Variants in RAD54L2 observed in about 807,000 individuals in gnomAD.
The protein encoded by RAD54L2 is helicase ARIP4.
A neutral mutation model predicts 138.4 loss-of-function variants in RAD54L2; 27 were observed. The ratio of observed to expected loss-of-function variants is 0.20; its 90% CI spans 0.14 to 0.27. The LOEUF (loss-of-function observed/expected upper bound fraction) is 0.27, where lower values mean the gene tolerates loss of function less well. Among genes scored for constraint, RAD54L2 ranks in the 10% least tolerant of loss-of-function variants. RAD54L2 has a pLI of 1.00. For missense variants in RAD54L2, 1,396 were observed against 1,890.2 expected (o/e 0.74, Z 4.85); for synonymous variants, 644 against 723.2 (o/e 0.89, Z 1.76).
At chr3:51,633,318 G>C (rs1465161182) in intron 7 of RAD54L2, among the ~76,000 whole-genome samples, 2 of 152,148 alleles carry the variant, frequency 1.3e-5, no homozygotes, top group African/African-American at 2.4e-5. Flanking sequence ...GAAAGATCCT[G>C]TCAGGAATTT....
intron 3 of RAD54L2, among the ~76,000 whole-genome samples, chr3:51,619,664 G>A (rs976167042): frequency 6.6e-6 from 1 of 152,080 alleles, no homozygotes; most frequent in Non-Finnish European, 1.5e-5. Flanking sequence ...TGGCAGGACC[G>A]ATATACCAAA....
chr3:51,577,368 G>A (rs927985088), intron 2 of RAD54L2, among the ~76,000 whole-genome samples: 18 of 152,114 alleles, frequency 1.2e-4, no homozygotes, highest in Admixed American at 1.1e-3. Context: ...AGTCTGCTTG[G>A]TGCAGAGCTG....
intron 21 of RAD54L2, among the ~76,000 whole-genome samples, chr3:51,658,628 C>T (rs931809345): frequency 2.0e-5 from 3 of 152,118 alleles, no homozygotes; most frequent in African/African-American, 7.2e-5. Context: ...GTGTGAGGCT[C>T]TTTGAGACTT....
intron 3 of RAD54L2, among the ~76,000 whole-genome samples, chr3:51,617,128 G>A (rs1700462752): frequency 1.3e-5 from 2 of 152,108 alleles, no homozygotes; most frequent in Admixed American, 1.3e-4. Flanking sequence ...CCATTCATCT[G>A]TTGATGGACA....
intron 3 of RAD54L2, among the ~76,000 whole-genome samples, chr3:51,608,979 C>G (rs925437802): frequency 2.0e-5 from 3 of 152,128 alleles, no homozygotes; most frequent in African/African-American, 7.2e-5. Flanking sequence ...CAACCTCCCC[C>G]TCCCAGGTTC....
At chr3:51,565,207 C>G (rs890761196) in intron 2 of RAD54L2, among the ~76,000 whole-genome samples, 27 of 152,128 alleles carry the variant, frequency 1.8e-4, no homozygotes, top group African/African-American at 4.6e-4. Context: ...GCCACATAGA[C>G]CCTGTTGCTA....
In RAD54L2 at chr3:51,663,663, G is replaced by A. The variant is rs1302040991; in HGVS notation, c.*243G>A. ...GCGGGAAATCAGGGACCCAAAACAG[G>A]GATGGAGGGGCAGTGCAGCCTCTTT... On this transcript the variant is annotated 3_prime_UTR_variant, in exon 23 of 23. Coordinates refer to ENST00000684192, the MANE Select transcript of RAD54L2 (RefSeq NM_015106.4). 1 of 494,714 alleles carries A rather than the reference G, an allele frequency of 2.0e-6. No individual in the cohort carries two copies. Among genetic ancestry groups the A allele is most frequent in the African/African-American group, 1.9e-5 (1 of 51,464 alleles). The allele number at this position is 494,714 out of a possible 1,614,324, so 30.6% of individuals were successfully genotyped here. A position where few individuals can be genotyped will look rare whatever the true frequency, so the allele number is the denominator to read the frequency against.
chr3:51,646,607 C>T (rs1172432865), intron 19 of RAD54L2, 126 bp downstream of exon 19: 3 of 1,030,820 alleles, frequency 2.9e-6, no homozygotes, highest in Non-Finnish European at 4.1e-6. Context: ...ACAGGCTCTG[C>T]TCTAGGGTAG....
In RAD54L2 at chr3:51,657,569, GT is replaced by G; in HGVS notation, c.3227-6del. On this transcript the variant is annotated splice_polypyrimidine_tract_variant and intron_variant, in intron 20 of 22. Transcript: ENST00000684192. ...CGTGCAATCTAAATTTAAGATCTGT[GT>G]TTTTCCTAGATATTGTTATTCCTGG... 1 of 1,532,686 alleles carries G rather than the reference GT, an allele frequency of 6.5e-7. No individual in the cohort carries two copies. Among genetic ancestry groups the G allele is most frequent in the Non-Finnish European group, 8.9e-7 (1 of 1,124,262 alleles). The allele number at this position is 1,532,686 out of a possible 1,614,324, so 94.9% of individuals were successfully genotyped here.
At chr3:51,549,100 C>T (rs538122009) in intron 2 of RAD54L2, among the ~76,000 whole-genome samples, 1 of 152,228 alleles carries the variant, frequency 6.6e-6, no homozygotes, top group Admixed American at 6.5e-5. Flanking sequence ...TCAAGCTATT[C>T]TCCCTGCCTC....
intron 3 of RAD54L2, among the ~76,000 whole-genome samples, chr3:51,592,994 C>T (rs1267503525): frequency 6.6e-6 from 1 of 152,202 alleles, no homozygotes; most frequent in Non-Finnish European, 1.5e-5. Context: ...GAGCAGCTAG[C>T]TATTCTACTA....
intron 2 of RAD54L2, among the ~76,000 whole-genome samples, chr3:51,555,968 A>G (rs1698953545): frequency 6.6e-6 from 1 of 152,024 alleles, no homozygotes. Context: ...CTCTATATTC[A>G]TTCTCCCAGA....
intron 16 of RAD54L2, 35 bp downstream of exon 16, chr3:51,644,009 C>A: frequency 6.5e-7 from 1 of 1,531,568 alleles, no homozygotes; most frequent in Non-Finnish European, 8.9e-7. Context: ...TCAAAGGAAT[C>A]TGTTCAGGCA....
intron 2 of RAD54L2, among the ~76,000 whole-genome samples, chr3:51,561,496 C>G (rs917537798): frequency 3.3e-5 from 5 of 152,180 alleles, no homozygotes; most frequent in Non-Finnish European, 5.9e-5. Flanking sequence ...CTGCCCGCCT[C>G]TGCCTCCCAA....
At chr3:51,630,412 C>T (rs1458917597) in intron 6 of RAD54L2, 24 bp downstream of exon 6, 1 of 1,585,332 alleles carries the variant, frequency 6.3e-7, no homozygotes, top group East Asian at 2.2e-5. Flanking sequence ...AGGTGCCTCC[C>T]TTTCTTCCGA....
At chr3:51,544,850 C>T (rs782798316) in intron 2 of RAD54L2, among the ~76,000 whole-genome samples, 4 of 152,160 alleles carry the variant, frequency 2.6e-5, no homozygotes, top group Non-Finnish European at 5.9e-5. Flanking sequence ...ATCTGCCCAT[C>T]TTGGCCTCCC....
At chr3:51,580,327 C>T (rs1398547222) in intron 2 of RAD54L2, among the ~76,000 whole-genome samples, 59 of 152,292 alleles carry the variant, frequency 3.9e-4, no homozygotes, top group Non-Finnish European at 4.4e-5. Flanking sequence ...GAGTGGAGCA[C>T]AGAGCTTCTG....
intron 3 of RAD54L2, among the ~76,000 whole-genome samples, chr3:51,627,243 A>G (rs1452897219): frequency 1.3e-5 from 2 of 152,134 alleles, no homozygotes; most frequent in African/African-American, 4.8e-5. Context: ...GAGGCCATGA[A>G]ACTTACTAAC....
chr3:51,559,456 G>C (rs1699050564), intron 2 of RAD54L2, among the ~76,000 whole-genome samples: 1 of 152,186 alleles, frequency 6.6e-6, no homozygotes, highest in South Asian at 2.1e-4. Flanking sequence ...TGCCTCCCCT[G>C]AGTGCTTCAG....
Sources: allele counts gnomAD v4.1 joint callset (sites outside exome capture counted in the v4.1 genomes callset), GRCh38; gene constraint gnomAD v4.1.1; transcripts MANE v1.5; gene names NCBI Gene and HGNC (gene_info 2026-07-23, HGNC 2026-07-21).